TMEM63B: variants seen among roughly 807,000 people sequenced by gnomAD.
TMEM63B encodes transmembrane protein 63B.
TMEM63B carries 23 observed loss-of-function variants against 102.6 expected under a neutral mutation model. The ratio of observed to expected loss-of-function variants is 0.22; its 90% confidence interval spans 0.16 to 0.32. TMEM63B has a LOEUF of 0.32. Ranked by LOEUF, TMEM63B falls within the 10% of genes least tolerant of loss-of-function variation. TMEM63B has a pLI of 1.00. For missense variants in TMEM63B, 628 were observed against 1,095.9 expected (o/e 0.57, Z 6.03); for synonymous variants, 444 against 437.0 (o/e 1.02, Z -0.20).
chr6:44,146,763 C>A, intron 10 of TMEM63B, 84 bp from the exon 11 acceptor site: 2 of 1,372,720 alleles, frequency 1.5e-6, no homozygotes, highest in Non-Finnish European at 1.0e-6. Flanking sequence ...AGATGTGTTT[C>A]TTGAAGGTGA....
intron 15 of TMEM63B, among the ~76,000 whole-genome samples, chr6:44,149,539 CT>C (rs1208678719): frequency 1.3e-5 from 2 of 152,176 alleles, no homozygotes; most frequent in East Asian, 1.9e-4. Flanking sequence ...GCTATTGAAT[CT>C]TTTTTTTGCC....
intron 1 of TMEM63B, among the ~76,000 whole-genome samples, chr6:44,132,884 C>T (rs527991549): frequency 2.6e-5 from 4 of 152,212 alleles, no homozygotes; most frequent in Non-Finnish European, 5.9e-5. Flanking sequence ...AGAAAAGCAC[C>T]GTGGTGCCCT....
Position 44,153,739 on chromosome 6 carries a change from C to T in TMEM63B, c.2006C>T (p.Pro669Leu), listed in dbSNP as rs1767339930. 2.5e-6 allele frequency: 4 copies of T among 1,614,154 alleles called. No homozygotes were observed. Among genetic ancestry groups the T allele is most frequent in the Non-Finnish European group, 3.4e-6 (4 of 1,180,024 alleles). Reference protein sequence around the residue: ...DRYNLYYAYLPAKLDKKIHSG... With the variant: ...DRYNLYYAYLLAKLDKKIHSG... ...TACAATCTCTACTACGCCTACCTGC[C>T]GGCCAAGCTGGACAAGAAGATCCAC... is the stretch of plus-strand genomic sequence containing the variant. Residue 669 changes from proline (P) to leucine (L), a missense_variant, in exon 21 of 24, where the codon CCG becomes CTG. Coordinates refer to ENST00000323267, the MANE Select transcript of TMEM63B (RefSeq NM_018426.3).
Position 44,152,542 on chromosome 6 carries a change from C to T in TMEM63B, c.1837-51C>T. The T allele has an allele frequency of 3.5e-6, 5 of 1,425,810 alleles. No individual in the cohort carries two copies. The highest frequency in any genetic ancestry group is 4.9e-6 in the Non-Finnish European group (5 of 1,020,140). The allele number at this position is 1,425,810 out of a possible 1,614,324, so 88.3% of individuals were successfully genotyped here. A position where few individuals can be genotyped will look rare whatever the true frequency, so the allele number is the denominator to read the frequency against. On this transcript the variant is annotated intron_variant, in intron 19 of 23. Transcript: ENST00000323267. The surrounding 1 kb of genome is among the most constrained non-coding windows in gnomAD (Gnocchi z 6.4). Reference sequence around the variant, plus strand: ...TCCCCCTCCCTCCTTCCCTGCCCCTCTGGTCAGTCCCTGCCTCCCTGAGCC... The same window carrying T: ...TCCCCCTCCCTCCTTCCCTGCCCCTTTGGTCAGTCCCTGCCTCCCTGAGCC...
intron 1 of TMEM63B, among the ~76,000 whole-genome samples, chr6:44,134,241 G>A (rs1380651604): frequency 2.6e-5 from 4 of 152,120 alleles, no homozygotes; most frequent in African/African-American, 9.7e-5. Context: ...GTGTGGGGGT[G>A]GCGGCGGCAG....
At chr6:44,128,022 C>G (rs1197930378) in intron 1 of TMEM63B, among the ~76,000 whole-genome samples, 1 of 151,522 alleles carries the variant, frequency 6.6e-6, no homozygotes, top group African/African-American at 2.4e-5. Flanking sequence ...GCGCGACCCT[C>G]GGGGGTGCCA....
intron 9 of TMEM63B, 148 bp from the exon 10 acceptor site, chr6:44,140,880 T>A (rs1458214722): frequency 2.9e-6 from 2 of 686,236 alleles, no homozygotes; most frequent in Non-Finnish European, 2.5e-6. Context: ...AACTAAGGCC[T>A]CCTCCCACCC....
At chr6:44,153,271 G>A (rs1344347216) in intron 20 of TMEM63B, among the ~76,000 whole-genome samples, 1 of 152,102 alleles carries the variant, frequency 6.6e-6, no homozygotes. Flanking sequence ...ACCCTCCCTG[G>A]TTATTGAAGG....
At position 44,152,807 on chromosome 6, in the gene TMEM63B, G is replaced by A. The variant is rs921398825; in HGVS notation, c.1942+109G>A. ...CCGAGTGGACAGGGCCCGGCTGGGA[G>A]ACCGGCCCCTCGGGGCTCCCGCCCG... On this transcript the variant is annotated intron_variant, in intron 20 of 23. Transcript: ENST00000323267. This position sits in a 1 kb window ranked among gnomAD's most constrained non-coding sequence, Gnocchi z 6.4. 5.4e-6 allele frequency: 5 copies of A among 923,220 alleles called. No individual in the cohort carries two copies. The African/African-American group carries it at 8.3e-5, about 15-fold the overall frequency. 57.2% of individuals were successfully genotyped at this position (923,220 alleles called of 1,614,324 possible).
At chr6:44,143,333 C>T (rs1013120865) in intron 10 of TMEM63B, among the ~76,000 whole-genome samples, 1 of 152,178 alleles carries the variant, frequency 6.6e-6, no homozygotes, top group South Asian at 2.1e-4. Flanking sequence ...AAACAGCAGT[C>T]AAAATTAGAT....
Position 44,139,475 on chromosome 6 carries a change from A to G in TMEM63B, c.416A>G (p.Glu139Gly). 6.2e-7 allele frequency: 1 copy of G among 1,614,154 alleles called. No individual in the cohort carries two copies. The highest frequency in any genetic ancestry group is 8.5e-7 in the Non-Finnish European group (1 of 1,180,028). Residue 139 changes from glutamate (E) to glycine (G), a missense_variant, in exon 7 of 24, where the codon GAG becomes GGG. Glu to Gly is a moderately conservative substitution (Grantham distance 98). Around this residue, in one of 6 missense-constraint regions of TMEM63B, gnomAD observed 336 missense variants for 580.3 expected, o/e 0.58. Coordinates refer to ENST00000323267, the MANE Select transcript of TMEM63B (RefSeq NM_018426.3). ...AACCCGTATGGCTGCAGGGATGATG[A>G]GATCCGGGACAAATGTGGGGGCGAT... ...LTAIFRIKDDEIRDKCGGDAV... is the reference protein window; with the variant it reads ...LTAIFRIKDDGIRDKCGGDAV...
intron 2 of TMEM63B, 108 bp from the exon 3 acceptor site, chr6:44,134,909 A>G: frequency 6.7e-7 from 1 of 1,503,628 alleles, no homozygotes; most frequent in Non-Finnish European, 9.1e-7. Flanking sequence ...CACCCAAGCC[A>G]GGGTCATCCC....
At position 44,153,729 on chromosome 6, in the gene TMEM63B, G is replaced by A. The variant is rs775590194; in HGVS notation, c.1996G>A (p.Ala666Thr). The change falls in exon 21 of 24, where the codon GCC becomes ACC. Residue 666 changes from alanine (A) to threonine (T), a missense_variant. Coordinates refer to ENST00000323267, the MANE Select transcript of TMEM63B (RefSeq NM_018426.3). ...HLVDRYNLYY[A>T]YLPAKLDKKI... is the part of the protein sequence containing the mutation. ...GGTAGACAGGTACAATCTCTACTACGCCTACCTGCCGGCCAAGCTGGACAA... is the reference window on the plus strand; with the variant it reads ...GGTAGACAGGTACAATCTCTACTACACCTACCTGCCGGCCAAGCTGGACAA... 3 of 1,614,080 alleles carry A rather than the reference G, an allele frequency of 1.9e-6. No individual in the cohort carries two copies. Among genetic ancestry groups the A allele is most frequent in the Admixed American group, 1.7e-5 (1 of 60,018 alleles).
intron 1 of TMEM63B, among the ~76,000 whole-genome samples, chr6:44,129,927 T>C (rs1777949181): frequency 6.6e-6 from 1 of 152,020 alleles, no homozygotes; most frequent in Non-Finnish European, 1.5e-5. Flanking sequence ...AGGCCCAGGG[T>C]GACTAAGTAA....
intron 5 of TMEM63B, among the ~76,000 whole-genome samples, chr6:44,137,689 GA>G (rs1198839482): frequency 1.4e-5 from 2 of 142,788 alleles, no homozygotes; most frequent in Admixed American, 7.2e-5. Context: ...GGAGGGGAGA[GA>G]TTTTTTTTTT....
intron 1 of TMEM63B, 25 bp from the exon 2 acceptor site, chr6:44,134,536 G>A (rs781720921): frequency 6.3e-7 from 1 of 1,599,256 alleles, no homozygotes; most frequent in Admixed American, 1.7e-5. Flanking sequence ...GGCAAGCCCA[G>A]CTGACTGCTC....
intron 12 of TMEM63B, 50 bp downstream of exon 12, chr6:44,147,550 G>C (rs765253688): frequency 2.5e-6 from 4 of 1,600,304 alleles, no homozygotes; most frequent in South Asian, 1.1e-5. Flanking sequence ...CAGGTCCTGG[G>C]CAGGCAAGGC....
Position 44,136,483 on chromosome 6 carries a change from C to A in TMEM63B, c.369+44C>A, listed in dbSNP as rs201591306. 27 of 1,358,450 alleles carry A rather than the reference C, an allele frequency of 2.0e-5. No homozygotes were observed. In the East Asian group the frequency reaches 4.6e-4, roughly 23 times the overall value. 84.1% of individuals were successfully genotyped at this position (1,358,450 alleles called of 1,614,324 possible). A position where few individuals can be genotyped will look rare whatever the true frequency, so the allele number is the denominator to read the frequency against. ...AACTTCTTAGTCCCCCACCCCACCCCCAGGGCACATGGGCTGAGAAGTCCC... is the reference window on the plus strand; with the variant it reads ...AACTTCTTAGTCCCCCACCCCACCCACAGGGCACATGGGCTGAGAAGTCCC... On this transcript the variant is annotated intron_variant, in intron 5 of 23. Transcript: ENST00000323267.
At chr6:44,134,274 A>G (rs1762498314) in intron 1 of TMEM63B, 1 of 363,244 alleles carries the variant, frequency 2.8e-6, no homozygotes, top group Non-Finnish European at 5.0e-6. Context: ...TAGATGTTAG[A>G]AAATCACAGA....
Sources: gnomAD v4.1 joint callset for allele counts (sites outside exome capture counted in the v4.1 genomes callset) on GRCh38, gnomAD v4.1.1 for gene constraint, gnomAD v4.1.1 regional missense constraint, Gnocchi (gnomAD v3.1) non-coding constraint, MANE v1.5 for transcripts, NCBI Gene and HGNC (gene_info 2026-07-23, HGNC 2026-07-21) for gene names.